Variants in CIROP observed in about 807,000 individuals in gnomAD.
CIROP encodes the protein leishmanolysin homolog.
At chr14:23,104,498 C>G in the CIROP span, 2 of 702,916 alleles carry the variant, frequency 2.8e-6, no homozygotes, top group African/African-American at 3.5e-5. Flanking sequence ...AAGTCAGTTT[C>G]TCCCATATCT....
chr14:23,102,843 C>A, the CIROP span: 1 of 634,528 alleles, frequency 1.6e-6, no homozygotes, highest in Non-Finnish European at 2.8e-6. Flanking sequence ...TCTGTGGGTT[C>A]TTTGACTTAA....
the CIROP span, chr14:23,103,385 A>AT: frequency 2.6e-6 from 1 of 384,826 alleles, no homozygotes; most frequent in Non-Finnish European, 4.6e-6. Context: ...CCCCGTCTCT[A>AT]CAAAAAAAAA....
the CIROP span, chr14:23,102,923 C>A: frequency 1.7e-6 from 1 of 601,316 alleles, no homozygotes; most frequent in South Asian, 2.0e-5. Context: ...ATGCAGCAGT[C>A]ACCATGACGA....
chr14:23,101,129 C>G, the CIROP span: 2,285 of 402,274 alleles, frequency 5.7e-3, 42 homozygotes, highest in African/African-American at 0.041. Flanking sequence ...CTGTTCAAGT[C>G]TTCCTTCTAA....
At chr14:23,103,868 A>G in the CIROP span, 1 of 685,848 alleles carries the variant, frequency 1.5e-6, no homozygotes, top group Non-Finnish European at 2.7e-6. Flanking sequence ...AACAGTAGGA[A>G]ATTGGGTATG....
the CIROP span, chr14:23,101,416 G>C: frequency 1.7e-6 from 1 of 593,640 alleles, no homozygotes; most frequent in South Asian, 2.1e-5. Flanking sequence ...CTTGAGGTGT[G>C]GGGTAAGAGA....
At chr14:23,099,355 C>T in the CIROP span, 3 of 413,358 alleles carry the variant, frequency 7.3e-6, no homozygotes, top group Non-Finnish European at 1.3e-5. Flanking sequence ...GGCAGATGGT[C>T]TCACAGGAAG....
chr14:23,099,154 AATATT>A, the CIROP span: 3 of 411,602 alleles, frequency 7.3e-6, no homozygotes, highest in Non-Finnish European at 1.3e-5. Flanking sequence ...CAGGCTATAT[AATATT>A]GACAACCGGG....
At chr14:23,100,767 T>C in the CIROP span, 1 of 398,740 alleles carries the variant, frequency 2.5e-6, no homozygotes, top group African/African-American at 2.1e-5. Flanking sequence ...AAGAGTGGGA[T>C]GAACAAGTCT....
chr14:23,103,223 C>G, the CIROP span: 4 of 416,988 alleles, frequency 9.6e-6, no homozygotes, highest in African/African-American at 8.2e-5. Flanking sequence ...ACTAGCATTC[C>G]CTAAGTTATC....
chr14:23,103,322 G>T, the CIROP span: 3 of 370,574 alleles, frequency 8.1e-6, no homozygotes, highest in Non-Finnish European at 4.8e-6. Context: ...GCCAAGGTGG[G>T]CAGATTGCTT....
chr14:23,103,895 G>T, the CIROP span: 8 of 648,726 alleles, frequency 1.2e-5, no homozygotes, highest in African/African-American at 5.4e-5. Flanking sequence ...AGGGGAGAAT[G>T]AATCTCTTTG....
chr14:23,101,636 T>C, the CIROP span: 2 of 702,944 alleles, frequency 2.8e-6, no homozygotes, highest in Non-Finnish European at 2.6e-6. Flanking sequence ...CCAGACCCAC[T>C]CAGTTTCATT....
the CIROP span, chr14:23,102,197 C>T: frequency 2.6e-5 from 18 of 703,002 alleles, 1 homozygote; most frequent in South Asian, 2.7e-4. Context: ...CGCTGGGCTC[C>T]ATCAAAGGTA....
At chr14:23,103,041 A>G in the CIROP span, 5 of 559,412 alleles carry the variant, frequency 8.9e-6, no homozygotes, top group Non-Finnish European at 9.5e-6. Flanking sequence ...AGCATAGGCT[A>G]TGACAGAGGG....
At chr14:23,103,584 A>AAACAAAACAT in the CIROP span, 1 of 629,244 alleles carries the variant, frequency 1.6e-6, no homozygotes, top group Non-Finnish European at 2.9e-6. Flanking sequence ...AAACAAAACA[A>AAACAAAACAT]AACAAAACTG....
At chr14:23,104,279 G>A in the CIROP span, 6 of 686,982 alleles carry the variant, frequency 8.7e-6, no homozygotes, top group Admixed American at 6.1e-5. Flanking sequence ...TGTATCCTGG[G>A]TTCAAGAGGC....
chr14:23,102,317 A>G, the CIROP span: 7 of 701,980 alleles, frequency 1.0e-5, no homozygotes, highest in East Asian at 1.1e-4. Context: ...CCTTTCTTCC[A>G]TCACCCCAAG....
chr14:23,100,738 A>G, the CIROP span: 1 of 398,778 alleles, frequency 2.5e-6, no homozygotes, highest in Non-Finnish European at 4.4e-6. Flanking sequence ...AGTATATCTC[A>G]TGAAACAGAT....
Sources: allele counts gnomAD v4.1 joint callset, GRCh38; gene constraint gnomAD v4.1.1; transcripts MANE v1.5; gene names NCBI Gene and HGNC (gene_info 2026-07-23, HGNC 2026-07-21).